IMPG1: variants seen among roughly 807,000 people sequenced by gnomAD.
IMPG1 encodes the protein interphotoreceptor matrix proteoglycan of 150 kDa.
Under a neutral mutation model 92.0 loss-of-function variants are expected in IMPG1, and 85 were observed. The ratio of observed to expected loss-of-function variants is 0.92; its 90% CI spans 0.78 to 1.11. The LOEUF is 1.11. IMPG1 is among the 50% of genes least tolerant of loss of function. The probability of loss-of-function intolerance (pLI) is 0.00; values close to 1 mark genes in which losing one functional copy is unlikely to be tolerated. For missense variants in IMPG1, 1,022 were observed against 956.0 expected (o/e 1.07, Z -0.91); for synonymous variants, 367 against 334.1 (o/e 1.10, Z -1.08).
At chr6:75,942,595 G>A (rs1781853386) in intron 14 of IMPG1, among the ~76,000 whole-genome samples, 1 of 152,152 alleles carries the variant, frequency 6.6e-6, no homozygotes, top group Non-Finnish European at 1.5e-5. Context: ...CCAGGGTCCT[G>A]AGAGACAGCA....
chr6:76,005,365 T>G lies in IMPG1; in HGVS notation c.1057A>C (p.Thr353Pro). 6.2e-7 allele frequency: 1 copy of G among 1,614,040 alleles called. No individual in the cohort carries two copies. The highest frequency in any genetic ancestry group is 8.5e-7 in the Non-Finnish European group (1 of 1,179,912). Residue 353 changes from threonine (T) to proline (P), a missense_variant, in exon 10 of 17, where the codon ACA becomes CCA. Transcript: ENST00000369950. ...TTGCTGATCAGCCTTTTGAGGTCTG[T>G]AGCTGTGAGATAGATTTCTGGTTGC... ...DKQPEIYLTA[T>P]DLKRLISKAL...
At chr6:75,952,146 G>A (rs1026692620) in intron 12 of IMPG1, among the ~76,000 whole-genome samples, 12 of 152,124 alleles carry the variant, frequency 7.9e-5, no homozygotes, top group Non-Finnish European at 1.3e-4. Flanking sequence ...CAGATAAACA[G>A]ATTGTTGAAT....
intron 15 of IMPG1, among the ~76,000 whole-genome samples, chr6:75,926,375 T>TA (rs1368268973): frequency 1.3e-5 from 2 of 152,148 alleles, no homozygotes; most frequent in Non-Finnish European, 2.9e-5. Context: ...AGGGAGTTGG[T>TA]AACAACTATC....
At position 76,017,658 on chromosome 6, in the gene IMPG1, A is replaced by G. The variant is rs554327897; in HGVS notation, c.807+1060T>C. Among the ~76,000 whole-genome samples the G allele has an allele frequency of 2.0e-5, 3 of 152,364 alleles. No individual in the cohort carries two copies. In the East Asian group the frequency reaches 5.8e-4, roughly 29 times the overall value. Reference sequence around the variant, plus strand: ...AGTATATACCAGTGAAACCATCACCATAATGGTCATCTAGGCATAGAGCAG... The same window carrying G: ...AGTATATACCAGTGAAACCATCACCGTAATGGTCATCTAGGCATAGAGCAG... On this transcript the variant is annotated intron_variant, in intron 7 of 16. Coordinates refer to ENST00000369950, the MANE Select transcript of IMPG1 (RefSeq NM_001563.4).
At chr6:76,022,905 C>G (rs762948830) in intron 5 of IMPG1, among the ~76,000 whole-genome samples, 3 of 152,156 alleles carry the variant, frequency 2.0e-5, no homozygotes, top group African/African-American at 7.2e-5. Flanking sequence ...CCAGAAACAA[C>G]TTTCCATTTC....
At chr6:75,982,973 C>T (rs1782654036) in intron 12 of IMPG1, among the ~76,000 whole-genome samples, 1 of 151,898 alleles carries the variant, frequency 6.6e-6, no homozygotes, top group African/African-American at 2.4e-5. Flanking sequence ...TAGAGAATGT[C>T]CCTGGGGCAG....
chr6:75,974,351 CT>C (rs1244663597), intron 12 of IMPG1, among the ~76,000 whole-genome samples: 1 of 105,686 alleles, frequency 9.5e-6, no homozygotes, highest in African/African-American at 3.8e-5. Flanking sequence ...TTCTTTCTTT[CT>C]TTCTTTCTTT....
chr6:75,988,896 T>C (rs946719198), intron 12 of IMPG1, among the ~76,000 whole-genome samples: 1 of 152,198 alleles, frequency 6.6e-6, no homozygotes. Flanking sequence ...CCCTCACTAC[T>C]GGTCTACCTC....
intron 12 of IMPG1, among the ~76,000 whole-genome samples, chr6:75,979,387 T>A (rs1036466765): frequency 6.6e-6 from 1 of 152,174 alleles, no homozygotes; most frequent in Non-Finnish European, 1.5e-5. Flanking sequence ...GGACATCCAA[T>A]GAAGTGGCAG....
At chr6:75,961,932 A>C (rs1209740303) in intron 12 of IMPG1, among the ~76,000 whole-genome samples, 1 of 152,164 alleles carries the variant, frequency 6.6e-6, no homozygotes, top group African/African-American at 2.4e-5. Flanking sequence ...AAAAAGAAAG[A>C]AATGGGATAC....
intron 15 of IMPG1, among the ~76,000 whole-genome samples, chr6:75,927,214 A>T (rs552575882): frequency 6.6e-6 from 1 of 152,208 alleles, no homozygotes; most frequent in Admixed American, 6.5e-5. Flanking sequence ...TTTATTCCTT[A>T]CCAAAAACCA....
intron 1 of IMPG1, among the ~76,000 whole-genome samples, chr6:76,066,436 A>C (rs910770288): frequency 2.0e-5 from 3 of 152,064 alleles, no homozygotes; most frequent in Admixed American, 6.6e-5. Flanking sequence ...TAAAACAGAC[A>C]CTAAATCAAC....
intron 14 of IMPG1, among the ~76,000 whole-genome samples, chr6:75,944,052 T>A (rs1781879693): frequency 6.6e-6 from 1 of 152,226 alleles, no homozygotes; most frequent in Non-Finnish European, 1.5e-5. Flanking sequence ...GAATGCTGTT[T>A]TGGATTAAGC....
intron 14 of IMPG1, chr6:75,934,807 G>T (rs187379281): frequency 1.3e-5 from 4 of 309,262 alleles, no homozygotes; most frequent in Admixed American, 6.8e-5. Flanking sequence ...TTCCCGTCCC[G>T]CCCCTCAACC....
At chr6:76,018,479 G>A (rs1207051588) in intron 7 of IMPG1, among the ~76,000 whole-genome samples, 2 of 152,234 alleles carry the variant, frequency 1.3e-5, no homozygotes, top group African/African-American at 4.8e-5. Context: ...ACTGTGGATA[G>A]AGGGGGCAGG....
intron 7 of IMPG1, among the ~76,000 whole-genome samples, chr6:76,018,035 G>A (rs1265921037): frequency 2.0e-5 from 3 of 152,090 alleles, no homozygotes; most frequent in Admixed American, 2.0e-4. Flanking sequence ...GAGCCACCGC[G>A]GTTGGCAAAA....
At chr6:75,986,653 A>G (rs1014290033) in intron 12 of IMPG1, among the ~76,000 whole-genome samples, 10 of 152,310 alleles carry the variant, frequency 6.6e-5, no homozygotes, top group African/African-American at 2.4e-4. Flanking sequence ...GAAATATATC[A>G]TTACTGGAAT....
intron 11 of IMPG1, among the ~76,000 whole-genome samples, chr6:76,003,448 A>C (rs961126022): frequency 2.0e-5 from 3 of 152,272 alleles, no homozygotes; most frequent in Admixed American, 6.5e-5. Context: ...TATTTATCAA[A>C]CCCCCATAAA....
Position 75,947,505 on chromosome 6 carries a change from G to A in IMPG1, c.1853C>T (p.Thr618Ile). Residue 618 changes from threonine to isoleucine, a missense_variant, in exon 14 of 17, where the codon ACA (threonine) becomes ATA (isoleucine). By Grantham distance (89) the Thr-to-Ile change is moderately conservative. Transcript: ENST00000369950. ...LLVPYLRSNL[T>I]GFKQLEILNF... The stretch of plus-strand genomic sequence containing the variant: ...AAGTATTTCAAGTTGCTTAAATCCT[G>A]TAAGATTGGATCGTAGATATGGAAC... 2.5e-6 allele frequency: 4 copies of A among 1,613,570 alleles called. No homozygotes were observed. The highest frequency in any genetic ancestry group is 3.4e-6 in the Non-Finnish European group (4 of 1,179,674).
Sources: gnomAD v4.1 joint callset for allele counts (sites outside exome capture counted in the v4.1 genomes callset) on GRCh38, gnomAD v4.1.1 for gene constraint, MANE v1.5 for transcripts, NCBI Gene and HGNC (gene_info 2026-07-23, HGNC 2026-07-21) for gene names.